TMEM86B: variants seen among roughly 807,000 people sequenced by gnomAD.
TMEM86B encodes transmembrane protein 86B.
TMEM86B carries 15 observed loss-of-function variants against 12.3 expected under a neutral mutation model. The ratio of observed to expected loss-of-function variants is 1.22; its 90% CI spans 0.81 to 1.87. The LOEUF (loss-of-function observed/expected upper bound fraction) is 1.87. TMEM86B is among the 40% of genes most tolerant of loss of function. The pLI is 0.00. For missense variants in TMEM86B, 328 were observed against 297.4 expected (o/e 1.10, Z -0.76); for synonymous variants, 173 against 140.3 (o/e 1.23, Z -1.65).
intron 1 of TMEM86B, 124 bp downstream of exon 1, chr19:55,228,567 G>T: frequency 6.6e-7 from 1 of 1,521,716 alleles, no homozygotes; most frequent in Non-Finnish European, 8.8e-7. Context: ...TCAGGGACCA[G>T]GCTGCCAGAA....
At position 55,228,717 on chromosome 19, in the gene TMEM86B, T is replaced by C. The variant is rs780706406; in HGVS notation, c.25A>G (p.Thr9Ala). MDAGKAGQTLKTHCSAQRP... is the reference protein window; with the variant it reads MDAGKAGQALKTHCSAQRP... ...TGGGCTGAGCAGTGAGTCTTCAGGG[T>C]CTGCCCCGCTTTGCCAGCGTCCATG... Residue 9 changes from threonine to alanine, a missense_variant, in exon 1 of 3, where the codon ACC becomes GCC. Coordinates refer to ENST00000327042, the MANE Select transcript of TMEM86B (RefSeq NM_173804.5). 4 of 1,613,066 alleles carry C rather than the reference T, an allele frequency of 2.5e-6. No individual in the cohort carries two copies. In the African/African-American group the frequency reaches 5.3e-5, roughly 22 times the overall value.
At chr19:55,228,025 C>A (rs764526354) in intron 2 of TMEM86B, 166 bp downstream of exon 2, 21 of 1,235,662 alleles carry the variant, frequency 1.7e-5, no homozygotes, top group Non-Finnish European at 2.3e-5. Flanking sequence ...ACCGCCTGCC[C>A]CCACCCCTCG....
Position 55,227,538 on chromosome 19 carries a change from G to C in TMEM86B, c.324C>G (p.His108Gln). 6.5e-7 allele frequency: 1 copy of C among 1,537,012 alleles called. No homozygotes were observed. The highest frequency in any genetic ancestry group is 1.2e-5 in the South Asian group (1 of 83,336). Residue 108 changes from histidine (H) to glutamine (Q), a missense_variant, in exon 3 of 3, where the codon CAC becomes CAG. Coordinates refer to ENST00000327042, the MANE Select transcript of TMEM86B (RefSeq NM_173804.5). ...AGCCGAAGGCCCAGACGTAGAGGAG[G>C]TGGGCGGTGGCAAAGGCGGCCATGC... ...VPGMAAFATAHLLYVWAFGFS... is the reference protein window; with the variant it reads ...VPGMAAFATAQLLYVWAFGFS...
Position 55,228,211 on chromosome 19 carries a change from C to T in TMEM86B, c.278G>A (p.Trp93Ter), listed in dbSNP as rs1158235231. Residue 93 changes from tryptophan to a stop codon, truncating the protein, a stop_gained, in exon 2 of 3, where the codon TGG (tryptophan) becomes TAG (stop). Transcript: ENST00000327042. LOFTEE classifies it low-confidence loss of function (END_TRUNC). ...CTCACCAGGGACGAAGGCTGCCGGC[C>T]AGATGAGGCAAGCGTCCCCCACAGC... ...CSAVGDACLI[W>*]PAAFVPGMAA... 33 of 1,611,110 alleles carry T rather than the reference C, an allele frequency of 2.0e-5. No homozygotes were observed. Among genetic ancestry groups the T allele is most frequent in the Non-Finnish European group, 2.7e-5 (32 of 1,179,344 alleles).
rs4606850 is a variant in TMEM86B at position 55,228,237 on chromosome 19, C to T, written c.252G>A (p.Ser84=). The T allele has an allele frequency of 0.19, 304,113 of 1,611,390 alleles. 29,206 individuals are homozygous for T. Among genetic ancestry groups the T allele is most frequent in the Middle Eastern group, 0.25 (1,474 of 5,864 alleles). ...TQLLQGALVC[S]AVGDACLIWP... The stretch of plus-strand genomic sequence containing the variant: ...AGATGAGGCAAGCGTCCCCCACAGC[C>T]GAGCACACAAGGGCTCCCTGGAGGA... The change falls in exon 2 of 3, where the codon TCG becomes TCA. Residue 84 remains serine, a synonymous_variant. Coordinates refer to ENST00000327042, the MANE Select transcript of TMEM86B (RefSeq NM_173804.5).
chr19:55,227,489 G>A lies in TMEM86B; in HGVS notation c.373C>T (p.Leu125=). 1 of 1,552,258 alleles carries A rather than the reference G, an allele frequency of 6.4e-7. No homozygotes were observed. Among genetic ancestry groups the A allele is most frequent in the Non-Finnish European group, 8.7e-7 (1 of 1,147,492 alleles). Reference sequence around the variant, plus strand: ...CCAGGGGCCAGGATGATGAGCAGCAGCAGGCCGGGCTGCAGGGGAGAGAAG... The same window carrying A: ...CCAGGGGCCAGGATGATGAGCAGCAACAGGCCGGGCTGCAGGGGAGAGAAG... ...FGFSPLQPGL[L]LLIILAPGPY... is the part of the protein sequence containing the mutation. The change falls in exon 3 of 3, where the codon CTG becomes TTG. Residue 125 remains leucine, a synonymous_variant. Transcript: ENST00000327042.
intron 2 of TMEM86B, 38 bp from the exon 3 acceptor site, chr19:55,227,601 C>A: frequency 6.7e-7 from 1 of 1,486,656 alleles, no homozygotes; most frequent in South Asian, 1.3e-5. Flanking sequence ...GAGGAAGGCC[C>A]ATCCTGGGAA....
In TMEM86B at chr19:55,227,568, C is replaced by CG. The variant is rs546653510; in HGVS notation, c.299-6dup. The CG allele has an allele frequency of 1.0e-4, 157 of 1,518,370 alleles. 1 individual carries two copies. The East Asian group carries it at 1.9e-3, about 18-fold the overall frequency. The allele number at this position is 1,518,370 out of a possible 1,614,324, so 94.1% of individuals were successfully genotyped here. ...CGGTGGCAAAGGCGGCCATGCCTGGCGGGAGAGGGGTGGGGTACCAGTGAG... is the reference window on the plus strand; with the variant it reads ...CGGTGGCAAAGGCGGCCATGCCTGGCGGGGAGAGGGGTGGGGTACCAGTGAG... On this transcript the variant is annotated splice_region_variant and splice_polypyrimidine_tract_variant and intron_variant, in intron 2 of 2. Transcript: ENST00000327042.
In TMEM86B at chr19:55,228,194, G is replaced by T. The variant is rs2087301515; in HGVS notation, c.295C>A (p.Pro99Thr). 2 of 1,609,250 alleles carry T rather than the reference G, an allele frequency of 1.2e-6. No individual in the cohort carries two copies. Among genetic ancestry groups the T allele is most frequent in the African/African-American group, 2.7e-5 (2 of 74,854 alleles). The part of the protein sequence containing the change: ...ACLIWPAAFV[P>T]GMAAFATAHL... ...CGTCACAGCACCTTCCACTCACCAG[G>T]GACGAAGGCTGCCGGCCAGATGAGG... The change falls in exon 2 of 3, where the codon CCT becomes ACT. Residue 99 changes from proline to threonine, a missense_variant. By Grantham distance (38) the Pro-to-Thr change is conservative (BLOSUM62 -1). Transcript: ENST00000327042.
chr19:55,228,198 GAAGGC>G lies in TMEM86B; in HGVS notation c.286_290del (p.Ala96ArgfsTer86). On this transcript the variant is annotated frameshift_variant, in exon 2 of 3. Coordinates refer to ENST00000327042, the MANE Select transcript of TMEM86B (RefSeq NM_173804.5). LOFTEE classifies it low-confidence loss of function (END_TRUNC). ...ACAGCACCTTCCACTCACCAGGGAC[GAAGGC>G]TGCCGGCCAGATGAGGCAAGCGTCC... 1 of 1,609,876 alleles carries G rather than the reference GAAGGC, an allele frequency of 6.2e-7. No individual in the cohort carries two copies. Among genetic ancestry groups the G allele is most frequent in the Non-Finnish European group, 8.5e-7 (1 of 1,178,928 alleles).
At chr19:55,227,837 G>C in intron 2 of TMEM86B, 1 of 590,770 alleles carries the variant, frequency 1.7e-6, no homozygotes, top group Non-Finnish European at 2.9e-6. Context: ...ACAAGCACCT[G>C]ACACGTCCCT....
chr19:55,227,370 G>A lies in TMEM86B; in HGVS notation c.492C>T (p.Arg164=), dbSNP rs762782972. The change falls in exon 3 of 3, where the codon CGC becomes CGT. Residue 164 remains arginine, a synonymous_variant. Transcript: ENST00000327042. ...YGLILMAMLW[R]GLAQGGSAGW... is the part of the protein sequence containing the mutation. ...CGGCACTCCCGCCCTGGGCCAGGCCGCGCCACAGCATGGCCATCAGGATCA... is the reference window on the plus strand; with the variant it reads ...CGGCACTCCCGCCCTGGGCCAGGCCACGCCACAGCATGGCCATCAGGATCA... 36 of 1,600,106 alleles carry A rather than the reference G, an allele frequency of 2.2e-5. No individual in the cohort carries two copies. The highest frequency in any genetic ancestry group is 3.4e-5 in the South Asian group (3 of 89,284).
Position 55,227,364 on chromosome 19 carries a change from C to T in TMEM86B, c.498G>A (p.Leu166=). ...LILMAMLWRG[L]AQGGSAGWGA... ...CCCAGCCGGCACTCCCGCCCTGGGCCAGGCCGCGCCACAGCATGGCCATCA... is the reference window on the plus strand; with the variant it reads ...CCCAGCCGGCACTCCCGCCCTGGGCTAGGCCGCGCCACAGCATGGCCATCA... Residue 166 remains leucine, a synonymous_variant, in exon 3 of 3, where the codon CTG becomes CTA. Coordinates refer to ENST00000327042, the MANE Select transcript of TMEM86B (RefSeq NM_173804.5). 6.2e-7 allele frequency: 1 copy of T among 1,600,934 alleles called. No homozygotes were observed. Among genetic ancestry groups the T allele is most frequent in the Non-Finnish European group, 8.5e-7 (1 of 1,173,674 alleles).
In TMEM86B at chr19:55,227,024, C is replaced by T. The variant is rs890406289; in HGVS notation, c.*157G>A. 8 of 856,932 alleles carry T rather than the reference C, an allele frequency of 9.3e-6. No homozygotes were observed. The African/African-American group carries it at 1.0e-4, about 11-fold the overall frequency. 53.1% of individuals were successfully genotyped at this position (856,932 alleles called of 1,614,324 possible). A position where few individuals can be genotyped will look rare whatever the true frequency, so the allele number is the denominator to read the frequency against. On this transcript the variant is annotated 3_prime_UTR_variant, in exon 3 of 3. Coordinates refer to ENST00000327042, the MANE Select transcript of TMEM86B (RefSeq NM_173804.5). The stretch of plus-strand genomic sequence containing the variant: ...GACTTGGAATTCCGCAAATCGTCCT[C>T]AAACGTCTTCAGCCAGAAGCGACGG...
Position 55,227,189 on chromosome 19 carries a change from T to C in TMEM86B, c.673A>G (p.Thr225Ala). The C allele has an allele frequency of 6.6e-7, 1 of 1,514,804 alleles. No individual in the cohort carries two copies. The highest frequency in any genetic ancestry group is 8.9e-7 in the Non-Finnish European group (1 of 1,125,436). The allele number at this position is 1,514,804 out of a possible 1,614,324, so 93.8% of individuals were successfully genotyped here. A position where few individuals can be genotyped will look rare whatever the true frequency, so the allele number is the denominator to read the frequency against. ...LSALRSPVPK[T>A]D ...CCCTTCAAGCTCCCTAGTCAGTCAG[T>C]CTTGGGCACCGGGCTCCTGAGGGCT... The change falls in exon 3 of 3, where the codon ACT (threonine) becomes GCT (alanine). Residue 225 changes from threonine (T) to alanine (A), a missense_variant. Coordinates refer to ENST00000327042, the MANE Select transcript of TMEM86B (RefSeq NM_173804.5).
rs1416384434 is a variant in TMEM86B at position 55,227,458 on chromosome 19, T to TAGGGGCC, written c.397_403dup (p.Tyr135TrpfsTer51). ...GAGGTGCTGGAGCACAAGGCTGAGGTAGGGGCCAGGGGCCAGGATGATGAG... is the reference window on the plus strand; with the variant it reads ...GAGGTGCTGGAGCACAAGGCTGAGGTAGGGGCCAGGGGCCAGGGGCCAGGATGATGAG... On this transcript the variant is annotated frameshift_variant, in exon 3 of 3. Transcript: ENST00000327042. LOFTEE classifies it low-confidence loss of function (END_TRUNC). 5 of 1,557,832 alleles carry TAGGGGCC rather than the reference T, an allele frequency of 3.2e-6. No individual in the cohort carries two copies. The highest frequency in any genetic ancestry group is 1.4e-5 in the African/African-American group (1 of 73,542).
intron 2 of TMEM86B, 55 bp from the exon 3 acceptor site, chr19:55,227,618 C>T (rs762955210): frequency 8.6e-5 from 126 of 1,471,934 alleles, no homozygotes; most frequent in South Asian, 1.1e-4. Flanking sequence ...GGAATGGCCC[C>T]GAGGTCACCC....
In TMEM86B at chr19:55,228,746, G is replaced by T; in HGVS notation, c.-5C>A. 6.2e-7 allele frequency: 1 copy of T among 1,613,056 alleles called. No homozygotes were observed. The highest frequency in any genetic ancestry group is 8.5e-7 in the Non-Finnish European group (1 of 1,179,722). ...CCCCGCTTTGCCAGCGTCCATGCTGGCCTGATAGCCCCAGAGCGACCTAAT... is the reference window on the plus strand; with the variant it reads ...CCCCGCTTTGCCAGCGTCCATGCTGTCCTGATAGCCCCAGAGCGACCTAAT... On this transcript the variant is annotated 5_prime_UTR_variant, in exon 1 of 3. Transcript: ENST00000327042.
In TMEM86B at chr19:55,227,527, A is replaced by G. The variant is rs2087294407; in HGVS notation, c.335T>C (p.Val112Ala). The G allele has an allele frequency of 6.5e-7, 1 of 1,543,960 alleles. No homozygotes were observed. The stretch of plus-strand genomic sequence containing the variant: ...CAGGGGAGAGAAGCCGAAGGCCCAG[A>G]CGTAGAGGAGGTGGGCGGTGGCAAA... ...AAFATAHLLYVWAFGFSPLQP... is the reference protein window; with the variant it reads ...AAFATAHLLYAWAFGFSPLQP... The change falls in exon 3 of 3, where the codon GTC (valine) becomes GCC (alanine). Residue 112 changes from valine to alanine, a missense_variant. By Grantham distance (64) the Val-to-Ala change is moderately conservative (BLOSUM62 0). Coordinates refer to ENST00000327042, the MANE Select transcript of TMEM86B (RefSeq NM_173804.5).
Sources: gnomAD v4.1 joint callset for allele counts on GRCh38, gnomAD v4.1.1 for gene constraint, MANE v1.5 for transcripts, NCBI Gene and HGNC (gene_info 2026-07-23, HGNC 2026-07-21) for gene names.